TPRG1: variants seen among roughly 807,000 people sequenced by gnomAD.
TPRG1 encodes the protein tumor protein p63-regulated gene 1 protein.
In TPRG1, 29 loss-of-function variants were observed where a neutral mutation model predicts 29.3. The ratio of observed to expected loss-of-function variants is 0.99; its 90% CI spans 0.74 to 1.35. TPRG1 has a LOEUF of 1.35. TPRG1 is among the 40% of genes most tolerant of loss of function. The probability of loss-of-function intolerance (pLI) is 0.00; values close to 1 mark genes in which losing one functional copy is unlikely to be tolerated. For synonymous variants in TPRG1, 130 were observed against 116.8 expected (o/e 1.11, Z -0.73); for missense variants, 327 against 335.0 (o/e 0.98, Z 0.19).
At chr3:189,235,825 G>A (rs758710368) in intron 3 of TPRG1, among the ~76,000 whole-genome samples, 36 of 152,138 alleles carry the variant, frequency 2.4e-4, no homozygotes, top group African/African-American at 7.5e-4. Context: ...CATTGAACAA[G>A]TCATTTTAAG....
At chr3:189,187,987 G>A (rs1362954043) in intron 1 of TPRG1, among the ~76,000 whole-genome samples, 1 of 152,156 alleles carries the variant, frequency 6.6e-6, no homozygotes, top group Non-Finnish European at 1.5e-5. Flanking sequence ...CTCCAACGGA[G>A]GAAGTTATAA....
At chr3:189,043,514 A>G (rs1260018030) in intron 4 of TPRG1, among the ~76,000 whole-genome samples, 1 of 151,948 alleles carries the variant, frequency 6.6e-6, no homozygotes, top group Non-Finnish European at 1.5e-5. Context: ...TGTTCTCTTT[A>G]TTTTTCATAT....
At chr3:189,265,324 G>A (rs1458104934) in intron 4 of TPRG1, among the ~76,000 whole-genome samples, 4 of 152,208 alleles carry the variant, frequency 2.6e-5, no homozygotes, top group African/African-American at 4.8e-5. Flanking sequence ...TAGGCAAGAA[G>A]CATCAACCTG....
chr3:189,218,433 A>G (rs1736428803), intron 3 of TPRG1, among the ~76,000 whole-genome samples: 1 of 152,038 alleles, frequency 6.6e-6, no homozygotes, highest in Non-Finnish European at 1.5e-5. Flanking sequence ...TCTTTTATGT[A>G]TAACAAAAAT....
chr3:189,183,355 A>G (rs1031036103), intron 1 of TPRG1, among the ~76,000 whole-genome samples: 2 of 152,210 alleles, frequency 1.3e-5, no homozygotes, highest in Non-Finnish European at 2.9e-5. Context: ...AGGCAGGGCA[A>G]GATCACAGCA....
intron 4 of TPRG1, among the ~76,000 whole-genome samples, chr3:189,087,253 G>A (rs1718008768): frequency 6.6e-6 from 1 of 152,096 alleles, no homozygotes; most frequent in Admixed American, 6.5e-5. Flanking sequence ...TTCTCTGATG[G>A]CCAGTGATGA....
At position 189,207,401 on chromosome 3, in the gene TPRG1, G is replaced by A; in HGVS notation, c.17G>A (p.Ser6Asn). The A allele has an allele frequency of 1.2e-6, 2 of 1,614,014 alleles. No homozygotes were observed. The highest frequency in any genetic ancestry group is 1.7e-6 in the Non-Finnish European group (2 of 1,179,932). MSTIG[S>N]FEGFQAVSLK... Reference sequence around the variant, plus strand: ...GCTGAAGAAATGTCAACAATTGGGAGTTTTGAAGGATTCCAGGCTGTGTCT... The same window carrying A: ...GCTGAAGAAATGTCAACAATTGGGAATTTTGAAGGATTCCAGGCTGTGTCT... Residue 6 changes from serine (S) to asparagine (N), a missense_variant, in exon 2 of 6, where the codon AGT becomes AAT. Transcript: ENST00000345063.
intron 5 of TPRG1, among the ~76,000 whole-genome samples, chr3:189,319,726 C>T (rs1486751873): frequency 6.6e-6 from 1 of 152,076 alleles, no homozygotes; most frequent in South Asian, 2.1e-4. Context: ...AAAATAACAG[C>T]ATACAACATT....
At chr3:189,185,934 A>T (rs1730862848) in intron 1 of TPRG1, among the ~76,000 whole-genome samples, 1 of 152,224 alleles carries the variant, frequency 6.6e-6, no homozygotes, top group African/African-American at 2.4e-5. Flanking sequence ...CTTTAAAAAT[A>T]TGATTTCCAA....
intron 3 of TPRG1, among the ~76,000 whole-genome samples, chr3:189,019,351 T>A (rs1482042734): frequency 1.3e-5 from 2 of 152,234 alleles, no homozygotes; most frequent in Non-Finnish European, 2.9e-5. Context: ...CCATTCAGTG[T>A]GATATTGGCC....
chr3:189,012,542 A>G (rs1011521811), intron 3 of TPRG1, among the ~76,000 whole-genome samples: 2 of 152,038 alleles, frequency 1.3e-5, no homozygotes, highest in Middle Eastern at 6.8e-3. Flanking sequence ...TTTGTTTTCA[A>G]TTTTTCAGAA....
intron 4 of TPRG1, among the ~76,000 whole-genome samples, chr3:189,062,133 G>T (rs1212661240): frequency 6.6e-6 from 1 of 152,154 alleles, no homozygotes; most frequent in African/African-American, 2.4e-5. Flanking sequence ...CATGTCTTTT[G>T]TGGGAACATG....
intron 4 of TPRG1, among the ~76,000 whole-genome samples, chr3:189,088,585 A>C (rs1018155927): frequency 6.6e-6 from 1 of 152,210 alleles, no homozygotes; most frequent in African/African-American, 2.4e-5. Flanking sequence ...GTTACTTCCA[A>C]AAATACTATT....
chr3:189,093,024 A>T (rs1718438456), intron 4 of TPRG1, among the ~76,000 whole-genome samples: 1 of 152,162 alleles, frequency 6.6e-6, no homozygotes, highest in Admixed American at 6.5e-5. Context: ...GATTAAACAG[A>T]AAATGCTAAA....
chr3:189,106,359 C>T (rs1719824363), intron 1 of TPRG1, among the ~76,000 whole-genome samples: 1 of 152,124 alleles, frequency 6.6e-6, no homozygotes, highest in African/African-American at 2.4e-5. Context: ...TTTCATACTT[C>T]AAATCTCTGA....
chr3:189,097,439 A>G (rs541756927), upstream of TPRG1, among the ~76,000 whole-genome samples: 1 of 152,232 alleles, frequency 6.6e-6, no homozygotes, highest in Non-Finnish European at 1.5e-5. Flanking sequence ...TCATGAAAAA[A>G]GCAATTGACT....
chr3:189,196,216 A>T (rs1641182613), intron 1 of TPRG1, among the ~76,000 whole-genome samples: 1 of 152,158 alleles, frequency 6.6e-6, no homozygotes. Flanking sequence ...GAAGATGTTG[A>T]GTTAGATAAT....
At chr3:189,179,071 G>A (rs1239707692) in intron 1 of TPRG1, among the ~76,000 whole-genome samples, 1 of 152,136 alleles carries the variant, frequency 6.6e-6, no homozygotes, top group African/African-American at 2.4e-5. Context: ...TCATAGACTG[G>A]TTCTCACATT....
chr3:189,200,551 G>A (rs895563134), intron 1 of TPRG1, among the ~76,000 whole-genome samples: 9 of 152,140 alleles, frequency 5.9e-5, no homozygotes, highest in Non-Finnish European at 1.2e-4. Context: ...TTGACTACAC[G>A]CAGGCCACAG....
Sources: allele counts gnomAD v4.1 joint callset (sites outside exome capture counted in the v4.1 genomes callset), GRCh38; gene constraint gnomAD v4.1.1; transcripts MANE v1.5; gene names NCBI Gene and HGNC (gene_info 2026-07-23, HGNC 2026-07-21).